ADGRB1: variants seen among roughly 807,000 people sequenced by gnomAD.
ADGRB1 encodes adhesion G protein-coupled receptor B1, also known as brain-specific angiogenesis inhibitor 1.
Under a neutral mutation model 175.7 loss-of-function variants are expected in ADGRB1, and 36 were observed. The ratio of observed to expected loss-of-function variants is 0.20; its 90% CI spans 0.16 to 0.27. ADGRB1 has a LOEUF of 0.27. Among genes scored for constraint, ADGRB1 ranks in the 10% least tolerant of loss-of-function variants. The pLI is 1.00. For missense variants in ADGRB1, 1,731 were observed against 2,255.3 expected (o/e 0.77, Z 4.71); for synonymous variants, 1,054 against 979.4 (o/e 1.08, Z -1.42).
chr8:142,479,512 G>A, intron 8 of ADGRB1, 25 bp downstream of exon 8: 11 of 1,524,814 alleles, frequency 7.2e-6, no homozygotes, highest in Non-Finnish European at 9.6e-6. Flanking sequence ...ACCTGGGCTG[G>A]GCTCTGGGGA....
intron 17 of ADGRB1, among the ~76,000 whole-genome samples, chr8:142,491,235 G>A (rs1000047385): frequency 6.6e-6 from 1 of 152,270 alleles, no homozygotes; most frequent in African/African-American, 2.4e-5. Context: ...GGAACTTCAG[G>A]CTCATCAGAT....
At chr8:142,469,971 G>A (rs890087917) in intron 2 of ADGRB1, among the ~76,000 whole-genome samples, 5 of 152,308 alleles carry the variant, frequency 3.3e-5, no homozygotes, top group South Asian at 2.1e-4. Flanking sequence ...TTGTCCATCC[G>A]TCCATGTCCC....
In ADGRB1 at chr8:142,464,088, C is replaced by CAACCA; in HGVS notation, c.-111_-110insAACCA. ...CTCTCCCATCCCACCCTTGCCCCGCCTCCCTGCCCCCACCGGGCCGGCCCT... is the reference window on the plus strand; with the variant it reads ...CTCTCCCATCCCACCCTTGCCCCGCCAACCATCCCTGCCCCCACCGGGCCGGCCCT... On this transcript the variant is annotated 5_prime_UTR_variant, in exon 2 of 31. Transcript: ENST00000517894. The CAACCA allele has an allele frequency of 1.2e-6, 1 of 844,538 alleles. No individual in the cohort carries two copies. Among genetic ancestry groups the CAACCA allele is most frequent in the Non-Finnish European group, 1.5e-6 (1 of 652,548 alleles). The allele number at this position is 844,538 out of a possible 1,614,324, so 52.3% of individuals were successfully genotyped here. A position where few individuals can be genotyped will look rare whatever the true frequency, so the allele number is the denominator to read the frequency against.
Position 142,464,456 on chromosome 8 carries a change from G to T in ADGRB1, c.258G>T (p.Val86=). The change falls in exon 2 of 31, where the codon GTG becomes GTT. Residue 86 remains valine (V), a synonymous_variant. Transcript: ENST00000517894. ...GGCGCTACACTCTCTACATGAAGGT[G>T]GCCAAGGCGCCCGTGCCCTGCAGCG... is the stretch of plus-strand genomic sequence containing the variant. The part of the protein sequence containing the change: ...DPRRYTLYMK[V]AKAPVPCSGP... The T allele has an allele frequency of 1.9e-6, 3 of 1,578,580 alleles. No individual in the cohort carries two copies. Among genetic ancestry groups the T allele is most frequent in the Non-Finnish European group, 1.7e-6 (2 of 1,166,662 alleles).
rs573950926 is a variant in ADGRB1 at position 142,480,601 on chromosome 8, C to T, written c.1829-653C>T. On this transcript the variant is annotated intron_variant, in intron 9 of 30. Coordinates refer to ENST00000517894, the MANE Select transcript of ADGRB1 (RefSeq NM_001702.3). Reference sequence around the variant, plus strand: ...CCTCCCCTGGCCTTTGGTCTGCATGCGTGGCAGGGTCTCCCAGTGCCGCTC... The same window carrying T: ...CCTCCCCTGGCCTTTGGTCTGCATGTGTGGCAGGGTCTCCCAGTGCCGCTC... 4.7e-4 allele frequency among the ~76,000 whole-genome samples: 72 copies of T among 152,338 alleles called. 1 individual carries two copies. Among genetic ancestry groups the T allele is most frequent in the Non-Finnish European group, 6.2e-4 (42 of 68,026 alleles).
At chr8:142,519,752 G>C (rs36234348) in intron 19 of ADGRB1, among the ~76,000 whole-genome samples, 83,710 of 144,444 alleles carry the variant, frequency 0.58, 28,700 homozygotes, top group Non-Finnish European at 0.75. Context: ...TAGTGATGGT[G>C]GTAATGGTCG....
intron 1 of ADGRB1, among the ~76,000 whole-genome samples, chr8:142,457,282 AC>A (rs1839733950): frequency 6.6e-6 from 1 of 152,124 alleles, no homozygotes; most frequent in Non-Finnish European, 1.5e-5. Context: ...GGCTGTGATC[AC>A]CTTGCCTTCT....
chr8:142,531,764 G>A (rs145478479), intron 24 of ADGRB1, among the ~76,000 whole-genome samples: 129 of 152,318 alleles, frequency 8.5e-4, no homozygotes, highest in African/African-American at 3.0e-3. Context: ...CTGCCGGACA[G>A]CATCACTGAA....
chr8:142,515,546 C>T (rs1033081219), intron 18 of ADGRB1, among the ~76,000 whole-genome samples: 2 of 152,166 alleles, frequency 1.3e-5, no homozygotes, highest in Non-Finnish European at 2.9e-5. Context: ...AGAGCAGGCG[C>T]GAGACGCTTA....
Position 142,488,488 on chromosome 8 carries a change from C to A in ADGRB1, c.2433C>A (p.Val811=), listed in dbSNP as rs1427842493. The change falls in exon 14 of 31, where the codon GTC becomes GTA. Residue 811 remains valine, a synonymous_variant. Transcript: ENST00000517894. ...PEDRVTVSKS[V]FSTGLTEADE... is the part of the protein sequence containing the mutation. ...ACAGGGTCACTGTGTCCAAGAGTGT[C>A]TTCTCCACGGGGCTGACAGGTGAGG... 1 of 1,612,852 alleles carries A rather than the reference C, an allele frequency of 6.2e-7. No individual in the cohort carries two copies.
chr8:142,509,487 G>A (rs1587373865), intron 17 of ADGRB1, among the ~76,000 whole-genome samples: 1 of 152,180 alleles, frequency 6.6e-6, no homozygotes, highest in African/African-American at 2.4e-5. Context: ...TAGCAGGCTG[G>A]AGAGAGCGCC....
chr8:142,542,603 A>G lies in ADGRB1; in HGVS notation c.4369A>G (p.Thr1457Ala), dbSNP rs754989763. The G allele has an allele frequency of 1.3e-6, 2 of 1,548,866 alleles. No individual in the cohort carries two copies. Among genetic ancestry groups the G allele is most frequent in the Non-Finnish European group, 1.7e-6 (2 of 1,147,304 alleles). ...TCCGGGACCCAGCACGGGGCCCAGC[A>G]CCAAGAACGAGAATGTCGCCACCTT... Reference protein sequence around the residue: ...AHPGPSTGPSTKNENVATLSV... With the variant: ...AHPGPSTGPSAKNENVATLSV... The change falls in exon 28 of 31, where the codon ACC becomes GCC. Residue 1457 changes from threonine (T) to alanine (A), a missense_variant. Around this residue, in one of 8 missense-constraint regions of ADGRB1, gnomAD observed 394 missense variants for 410.2 expected, o/e 0.96. Transcript: ENST00000517894. This position sits in a 1 kb window ranked among gnomAD's most constrained non-coding sequence, Gnocchi z 6.3.
intron 2 of ADGRB1, among the ~76,000 whole-genome samples, chr8:142,468,195 TGTAA>T (rs1327096554): frequency 2.6e-5 from 4 of 151,648 alleles, no homozygotes; most frequent in East Asian, 3.9e-4. Flanking sequence ...GGTGCCCCCA[TGTAA>T]GTGTGGGTGC....
At chr8:142,483,218 C>A (rs1203508212) in intron 11 of ADGRB1, among the ~76,000 whole-genome samples, 1 of 141,822 alleles carries the variant, frequency 7.1e-6, no homozygotes, top group Admixed American at 6.9e-5. Context: ...TGAGCCCTGA[C>A]CCTGGTCGCA....
At chr8:142,528,620 C>T (rs1429596337) in intron 24 of ADGRB1, among the ~76,000 whole-genome samples, 2 of 151,206 alleles carry the variant, frequency 1.3e-5, no homozygotes, top group Non-Finnish European at 3.0e-5. Context: ...CCGATGCCAC[C>T]TCCGACGCCA....
chr8:142,514,240 C>T (rs547178958), intron 18 of ADGRB1, among the ~76,000 whole-genome samples: 28 of 151,562 alleles, frequency 1.8e-4, no homozygotes, highest in Non-Finnish European at 3.8e-4. Context: ...GAGGCGGGTA[C>T]GTGGGCACCC....
intron 1 of ADGRB1, among the ~76,000 whole-genome samples, chr8:142,457,872 G>A (rs1200422487): frequency 6.6e-6 from 1 of 152,188 alleles, no homozygotes; most frequent in African/African-American, 2.4e-5. Context: ...CCTCACAGGT[G>A]GGGGACCGTG....
chr8:142,487,479 C>T (rs541026416), intron 13 of ADGRB1, among the ~76,000 whole-genome samples: 1 of 152,332 alleles, frequency 6.6e-6, no homozygotes, highest in Admixed American at 6.5e-5. Flanking sequence ...ACCCTGTTCT[C>T]GGGCATCCGT....
chr8:142,452,611 C>T (rs1839419563), intron 1 of ADGRB1, among the ~76,000 whole-genome samples: 1 of 152,218 alleles, frequency 6.6e-6, no homozygotes, highest in African/African-American at 2.4e-5. Context: ...TCCAACGTGC[C>T]CGGTCCGCAG....
Sources: allele counts gnomAD v4.1 joint callset (sites outside exome capture counted in the v4.1 genomes callset), GRCh38; gene constraint gnomAD v4.1.1; regional missense constraint gnomAD v4.1.1; non-coding constraint Gnocchi (gnomAD v3.1); transcripts MANE v1.5; gene names NCBI Gene and HGNC (gene_info 2026-07-23, HGNC 2026-07-21).